GADL1: variants seen among roughly 807,000 people sequenced by gnomAD.
The protein encoded by GADL1 is GAD like acidic amino acid decarboxylase 1, also known as acidic amino acid decarboxylase GADL1.
A neutral mutation model predicts 69.5 loss-of-function variants in GADL1; 71 were observed. The observed-to-expected ratio is 1.02, with a 90% CI of 0.84 to 1.25. GADL1 has a LOEUF of 1.25. Among genes scored for constraint, GADL1 ranks in the 50% most tolerant of loss-of-function variants. The pLI is 0.00. For synonymous variants in GADL1, 254 were observed against 214.4 expected (o/e 1.18, Z -1.62); for missense variants, 737 against 631.8 (o/e 1.17, Z -1.79).
intron 14 of GADL1, among the ~76,000 whole-genome samples, chr3:30,728,766 C>T (rs1695408806): frequency 6.6e-6 from 1 of 151,950 alleles, no homozygotes; most frequent in Non-Finnish European, 1.5e-5. Context: ...TTCAATGCTG[C>T]CTCATTAAAA....
chr3:30,824,148 T>C (rs1356351932), intron 11 of GADL1, among the ~76,000 whole-genome samples: 1 of 151,780 alleles, frequency 6.6e-6, no homozygotes, highest in African/African-American at 2.4e-5. Context: ...GGAACATCCT[T>C]GTTAAATAGT....
At chr3:30,888,418 A>G (rs1437171109) in intron 1 of GADL1, among the ~76,000 whole-genome samples, 1 of 152,198 alleles carries the variant, frequency 6.6e-6, no homozygotes, top group East Asian at 1.9e-4. Context: ...ACCATCGTGG[A>G]GTTGCGGAGA....
intron 14 of GADL1, among the ~76,000 whole-genome samples, chr3:30,732,203 C>G (rs974742519): frequency 6.6e-6 from 1 of 152,112 alleles, no homozygotes; most frequent in Non-Finnish European, 1.5e-5. Context: ...ATGGCATGGT[C>G]ACAGGGGAAG....
chr3:30,755,879 C>T (rs1474027588), intron 14 of GADL1, among the ~76,000 whole-genome samples: 1 of 152,046 alleles, frequency 6.6e-6, no homozygotes, highest in Non-Finnish European at 1.5e-5. Flanking sequence ...TACACAGTTC[C>T]AAGTCAGCTT....
chr3:30,739,145 T>C (rs754370188), intron 14 of GADL1, among the ~76,000 whole-genome samples: 1 of 152,208 alleles, frequency 6.6e-6, no homozygotes, highest in Non-Finnish European at 1.5e-5. Context: ...CCTAGCTTCC[T>C]GAATTACAGA....
At chr3:30,774,223 C>A (rs1696484153) in intron 14 of GADL1, among the ~76,000 whole-genome samples, 1 of 152,122 alleles carries the variant, frequency 6.6e-6, no homozygotes, top group African/African-American at 2.4e-5. Flanking sequence ...GTGTCAGCTG[C>A]CCTGCACTGT....
rs1005933177 is a variant in GADL1, at chr3:30,883,693, G to A, written c.37+10885C>T. Among the ~76,000 whole-genome samples, 5 of 152,032 alleles carry A rather than the reference G, an allele frequency of 3.3e-5. No homozygotes were observed. In the South Asian group the frequency reaches 6.2e-4, roughly 19 times the overall value. ...TTTCTGCAAAAATAATGCCATTTGG[G>A]TTTTGATAAAGATTGTGTTAAATCT... On this transcript the variant is annotated intron_variant, in intron 1 of 14. Transcript: ENST00000282538.
At chr3:30,797,467 T>C (rs748609920) in intron 12 of GADL1, among the ~76,000 whole-genome samples, 2 of 152,182 alleles carry the variant, frequency 1.3e-5, no homozygotes, top group African/African-American at 2.4e-5. Context: ...GATCTAAGTG[T>C]TCTACATGTA....
At chr3:30,754,456 CAT>C (rs1352577750) in intron 14 of GADL1, among the ~76,000 whole-genome samples, 1 of 151,802 alleles carries the variant, frequency 6.6e-6, no homozygotes, top group African/African-American at 2.4e-5. Context: ...AAAAAAGCCT[CAT>C]AGGAATGCCA....
chr3:30,818,678 A>G (rs1004376369), intron 11 of GADL1, among the ~76,000 whole-genome samples: 1 of 152,186 alleles, frequency 6.6e-6, no homozygotes, highest in Non-Finnish European at 1.5e-5. Context: ...TTTGAGATAT[A>G]CTTACACTAA....
chr3:30,781,761 G>C (rs901921619), intron 13 of GADL1, among the ~76,000 whole-genome samples: 1 of 152,158 alleles, frequency 6.6e-6, no homozygotes. Context: ...GATGATTAAA[G>C]AGAAAACGTG....
Position 30,894,514 on chromosome 3 carries a change from AAGG to A in GADL1, c.37+61_37+63del, listed in dbSNP as rs542681379. 4.6e-4 allele frequency: 618 copies of A among 1,349,698 alleles called. 3 individuals carry two copies. The African/African-American group carries it at 8.2e-3, about 18-fold the overall frequency. 83.6% of individuals were successfully genotyped at this position (1,349,698 alleles called of 1,614,324 possible). A position where few individuals can be genotyped will look rare whatever the true frequency, so the allele number is the denominator to read the frequency against. On this transcript the variant is annotated intron_variant, in intron 1 of 14. Transcript: ENST00000282538. ...AACTTCTAGTCCCCAGGTCAAAAAT[AAGG>A]AGATTAAAACCCAGACAGGGGAGGT...
At position 30,756,945 on chromosome 3, in the gene GADL1, T is replaced by TG. The variant is rs201142386; in HGVS notation, c.1392+21233dup. 8.5e-4 allele frequency among the ~76,000 whole-genome samples: 129 copies of TG among 152,116 alleles called. No individual in the cohort carries two copies. In the Middle Eastern group the frequency reaches 0.014, roughly 16 times the overall value. On this transcript the variant is annotated intron_variant, in intron 14 of 14. Transcript: ENST00000282538. The stretch of plus-strand genomic sequence containing the variant: ...AGCACTAGCCTCCAACCAGAGTCCA[T>TG]GGGGGGGACATGTCAAAGGAGAGGG...
At chr3:30,762,083 C>T (rs1037288810) in intron 14 of GADL1, among the ~76,000 whole-genome samples, 1 of 152,098 alleles carries the variant, frequency 6.6e-6, no homozygotes, top group Non-Finnish European at 1.5e-5. Context: ...CACCAAATAT[C>T]TTGACTGCCC....
At chr3:30,873,100 A>C (rs976950196) in intron 1 of GADL1, among the ~76,000 whole-genome samples, 3 of 151,976 alleles carry the variant, frequency 2.0e-5, no homozygotes, top group Admixed American at 1.3e-4. Flanking sequence ...AAAAAGAAAT[A>C]TAATGCAAGC....
intron 1 of GADL1, among the ~76,000 whole-genome samples, chr3:30,862,124 G>A (rs946299929): frequency 4.6e-5 from 7 of 151,864 alleles, no homozygotes; most frequent in African/African-American, 1.4e-4. Context: ...GGTGTTTGAA[G>A]TTGAAAAAAA....
At chr3:30,821,377 G>A (rs1697576961) in intron 11 of GADL1, among the ~76,000 whole-genome samples, 2 of 151,976 alleles carry the variant, frequency 1.3e-5, no homozygotes, top group South Asian at 4.2e-4. Flanking sequence ...ATACTTACAA[G>A]TAAACTGATA....
intron 13 of GADL1, among the ~76,000 whole-genome samples, chr3:30,782,279 T>C (rs1283100768): frequency 6.6e-6 from 1 of 152,130 alleles, no homozygotes; most frequent in Non-Finnish European, 1.5e-5. Context: ...TGGAGGGATC[T>C]AAGACTGGAA....
intron 11 of GADL1, among the ~76,000 whole-genome samples, chr3:30,809,862 C>T (rs1221727327): frequency 1.3e-5 from 2 of 152,152 alleles, no homozygotes; most frequent in African/African-American, 4.8e-5. Context: ...CAAGAAGGGT[C>T]TCTATGCATA....
Sources: gnomAD v4.1 joint callset for allele counts (sites outside exome capture counted in the v4.1 genomes callset) on GRCh38, gnomAD v4.1.1 for gene constraint, MANE v1.5 for transcripts, NCBI Gene and HGNC (gene_info 2026-07-23, HGNC 2026-07-21) for gene names.